Variants in C3orf52 observed in about 807,000 individuals in gnomAD.
The protein encoded by C3orf52 is chromosome 3 open reading frame 52, also known as TPA-induced transmembrane protein.
C3orf52 carries 22 observed loss-of-function variants against 24.8 expected under a neutral mutation model. That is an observed-to-expected ratio of 0.89 (90% CI 0.63 to 1.27). C3orf52 has a LOEUF of 1.27. Ranked by LOEUF, C3orf52 falls within the 50% of genes most tolerant of loss-of-function variation. The pLI is 0.00. For missense variants in C3orf52, 265 were observed against 260.7 expected, an observed-to-expected ratio of 1.02 and a Z score of -0.11; for synonymous variants, 93 against 100.2, an observed-to-expected ratio of 0.93 and a Z score of 0.43.
At chr3:112,094,204 G>A (rs565176429) in intron 2 of C3orf52, among the ~76,000 whole-genome samples, 10 of 152,156 alleles carry the variant, frequency 6.6e-5, no homozygotes, top group East Asian at 5.8e-4. Context: ...CATGTTGTCC[G>A]GGTTGGTCTT....
At position 112,116,921 on chromosome 3, in the gene C3orf52, T is replaced by C; in HGVS notation, c.*275T>C. 6.5e-7 allele frequency: 1 copy of C among 1,536,620 alleles called. No homozygotes were observed. ...AGGGTCAGCGGGTATGTCCCACTGTTGGAGGTCACTGGTATTCTGTTTGTT... is the reference window on the plus strand; with the variant it reads ...AGGGTCAGCGGGTATGTCCCACTGTCGGAGGTCACTGGTATTCTGTTTGTT... On this transcript the variant is annotated 3_prime_UTR_variant, in exon 6 of 6. Transcript: ENST00000264848.
intron 4 of C3orf52, chr3:112,109,916 T>C: frequency 3.5e-6 from 1 of 283,602 alleles, no homozygotes. Flanking sequence ...TCAAATAAGC[T>C]AAGGGTAGAA....
chr3:112,118,365 G>C (rs1004489427), downstream of C3orf52: 25 of 152,180 alleles, frequency 1.6e-4, 1 homozygote, highest in African/African-American at 5.3e-4. Flanking sequence ...GGGCGGCCTG[G>C]GTTCTCCCCT....
chr3:112,116,816 C>T lies in C3orf52; in HGVS notation c.*170C>T. On this transcript the variant is annotated 3_prime_UTR_variant, in exon 6 of 6. Coordinates refer to ENST00000264848, the MANE Select transcript of C3orf52 (RefSeq NM_024616.3). ...CCGATTCTACAGTCTGGCTCTAAGC[C>T]CAGTAAAACAGCTCCCGAGCACTGC... 1 of 1,538,922 alleles carries T rather than the reference C, an allele frequency of 6.5e-7. No individual in the cohort carries two copies. The highest frequency in any genetic ancestry group is 8.7e-7 in the Non-Finnish European group (1 of 1,146,928).
At chr3:112,114,405 A>T (rs80237953) in intron 5 of C3orf52, among the ~76,000 whole-genome samples, 27,951 of 112,432 alleles carry the variant, frequency 0.25, 2,854 homozygotes, top group Middle Eastern at 0.29. Context: ...TACAGGAATT[A>T]AAAAAAAAAA....
intron 1 of C3orf52, among the ~76,000 whole-genome samples, chr3:112,090,056 A>G (rs553357838): frequency 6.6e-6 from 1 of 152,326 alleles, no homozygotes; most frequent in South Asian, 2.1e-4. Flanking sequence ...AAGAGAGATG[A>G]AGCCAGTGAA....
chr3:112,107,265 C>T (rs1389995679), intron 3 of C3orf52, among the ~76,000 whole-genome samples: 1 of 152,132 alleles, frequency 6.6e-6, no homozygotes, highest in Non-Finnish European at 1.5e-5. Flanking sequence ...TAAATATCAC[C>T]TTTGCCATAG....
intron 3 of C3orf52, among the ~76,000 whole-genome samples, chr3:112,103,671 G>A (rs1438282752): frequency 6.6e-6 from 1 of 152,182 alleles, no homozygotes; most frequent in Non-Finnish European, 1.5e-5. Context: ...CAAAGGAGGG[G>A]CATCTGAGCT....
chr3:112,119,417 G>C (rs754703515), downstream of C3orf52: 2 of 701,198 alleles, frequency 2.9e-6, no homozygotes, highest in South Asian at 1.5e-5. Flanking sequence ...GTAGGGTTGC[G>C]GGTGGTCAGA....
In C3orf52 at chr3:112,113,097, C is replaced by G. The variant is rs780323973; in HGVS notation, c.601C>G (p.Pro201Ala). 11 of 1,611,406 alleles carry G rather than the reference C, an allele frequency of 6.8e-6. No individual in the cohort carries two copies. The highest frequency in any genetic ancestry group is 1.3e-5 in the African/African-American group (1 of 74,858). Residue 201 changes from proline to alanine, a missense_variant, in exon 5 of 6, where the codon CCT becomes GCT. Coordinates refer to ENST00000264848, the MANE Select transcript of C3orf52 (RefSeq NM_024616.3). Reference sequence around the variant, plus strand: ...ACAGGATTTCCGTGATCAGAATATACCTGGTTGTGAGAGTCTGGGGCTTGA... The same window carrying G: ...ACAGGATTTCCGTGATCAGAATATAGCTGGTTGTGAGAGTCTGGGGCTTGA... Reference protein sequence around the residue: ...LLQDFRDQNIPGCESLGLDPT... With the variant: ...LLQDFRDQNIAGCESLGLDPT...
chr3:112,097,713 C>T (rs1017263962), intron 2 of C3orf52, among the ~76,000 whole-genome samples: 3 of 152,150 alleles, frequency 2.0e-5, no homozygotes, highest in Non-Finnish European at 4.4e-5. Flanking sequence ...AGACCCAGTA[C>T]CTTGAAATTT....
rs775254538 is a variant in C3orf52 at position 112,109,533 on chromosome 3, G to A, written c.397-10G>A. ...AATGTGTGTGGTTTAATTTGCTTCT[G>A]TTTGTTTAGCTCACAGATGTGTACA... On this transcript the variant is annotated splice_polypyrimidine_tract_variant and intron_variant, in intron 3 of 5. Transcript: ENST00000264848. 6.5e-7 allele frequency: 1 copy of A among 1,543,708 alleles called. No individual in the cohort carries two copies. Among genetic ancestry groups the A allele is most frequent in the Non-Finnish European group, 8.8e-7 (1 of 1,137,152 alleles).
chr3:112,102,881 A>G lies in C3orf52; in HGVS notation c.312A>G (p.Ser104=), dbSNP rs778046236. ...ATGAAAATGAAATACTTGAATTATC[A>G]TCAAACAAAACATTCTTCATCATGC... ...DEDENEILEL[S]SNKTFFIMLK... Residue 104 remains serine, a synonymous_variant, in exon 3 of 6, where the codon TCA becomes TCG. Transcript: ENST00000264848. 4.1e-5 allele frequency: 65 copies of G among 1,594,538 alleles called. No homozygotes were observed. Among genetic ancestry groups the G allele is most frequent in the Non-Finnish European group, 5.5e-5 (64 of 1,169,524 alleles).
chr3:112,123,375 G>C (rs1467938713), intron 4 of C3orf52: 1 of 1,556,420 alleles, frequency 6.4e-7, no homozygotes, highest in Non-Finnish European at 8.7e-7. Context: ...GGGACTTTGT[G>C]TCCCATCCCT....
At chr3:112,087,744 T>C (rs2107771791) in intron 1 of C3orf52, among the ~76,000 whole-genome samples, 1 of 152,288 alleles carries the variant, frequency 6.6e-6, no homozygotes, top group East Asian at 1.9e-4. Flanking sequence ...GCCACAACTG[T>C]GAACTGGCTG....
chr3:112,095,276 C>G (rs548237498), intron 2 of C3orf52, among the ~76,000 whole-genome samples: 2 of 152,292 alleles, frequency 1.3e-5, no homozygotes, highest in African/African-American at 4.8e-5. Context: ...GCCATACTTC[C>G]TATTCATATC....
At chr3:112,092,805 A>G (rs2073891275) in intron 1 of C3orf52, among the ~76,000 whole-genome samples, 1 of 152,124 alleles carries the variant, frequency 6.6e-6, no homozygotes, top group Non-Finnish European at 1.5e-5. Flanking sequence ...AACCTAGGCC[A>G]CAGCAGTAGC....
At chr3:112,095,499 C>A (rs1260813493) in intron 2 of C3orf52, among the ~76,000 whole-genome samples, 1 of 152,176 alleles carries the variant, frequency 6.6e-6, no homozygotes, top group East Asian at 1.9e-4. Flanking sequence ...AGTCATCTAA[C>A]CTCTTCACCT....
chr3:112,121,352 G>C (rs138817618), downstream of C3orf52: 34 of 152,290 alleles, frequency 2.2e-4, no homozygotes, highest in African/African-American at 8.2e-4. Context: ...GTATCAGCAT[G>C]GTTTTTTTCC....
Sources: gnomAD v4.1 joint callset for allele counts (sites outside exome capture counted in the v4.1 genomes callset) on GRCh38, gnomAD v4.1.1 for gene constraint, MANE v1.5 for transcripts, NCBI Gene and HGNC (gene_info 2026-07-23, HGNC 2026-07-21) for gene names.